RASEF: variants seen among roughly 807,000 people sequenced by gnomAD.
RASEF encodes RAS and EF-hand domain containing.
Under a neutral mutation model 90.1 loss-of-function variants are expected in RASEF, and 68 were observed. The observed-to-expected ratio is 0.75, with a 90% confidence interval of 0.62 to 0.92. RASEF has a LOEUF of 0.92. Among genes scored for constraint, RASEF ranks in the 40% least tolerant of loss-of-function variants. The pLI, the probability that RASEF is intolerant of heterozygous loss-of-function variation, is 0.00. For missense variants in RASEF, 949 were observed against 937.2 expected, an observed-to-expected ratio of 1.01 and a Z score of -0.16; for synonymous variants, 331 against 345.2, an observed-to-expected ratio of 0.96 and a Z score of 0.46.
upstream of RASEF, among the ~76,000 whole-genome samples, chr9:83,063,883 T>G (rs1045900790): frequency 2.0e-5 from 3 of 152,222 alleles, no homozygotes; most frequent in African/African-American, 7.2e-5. Context: ...CCCATTTTGA[T>G]CCTTTTAAAC....
the RASEF span, among the ~76,000 whole-genome samples, chr9:83,093,338 G>A: frequency 1.3e-5 from 2 of 152,198 alleles, no homozygotes; most frequent in African/African-American, 2.4e-5. Flanking sequence ...TGGGCCCCGC[G>A]GAGCAGGGGG....
chr9:83,100,203 C>T, the RASEF span, among the ~76,000 whole-genome samples: 1 of 152,126 alleles, frequency 6.6e-6, no homozygotes, highest in Non-Finnish European at 1.5e-5. Context: ...AAGCTGAGAA[C>T]AGACTTTCAA....
chr9:83,134,421 C>T, the RASEF span, among the ~76,000 whole-genome samples: 1 of 150,552 alleles, frequency 6.6e-6, no homozygotes, highest in East Asian at 2.0e-4. Flanking sequence ...CACACACACA[C>T]ACACACACAC....
chr9:83,197,594 T>A, the RASEF span, among the ~76,000 whole-genome samples: 1 of 152,146 alleles, frequency 6.6e-6, no homozygotes, highest in Non-Finnish European at 1.5e-5. Flanking sequence ...ATCTTGGAAG[T>A]CAAGTTTTAA....
the RASEF span, among the ~76,000 whole-genome samples, chr9:83,191,769 GT>G: frequency 1.3e-5 from 2 of 152,238 alleles, no homozygotes; most frequent in Admixed American, 1.3e-4. Flanking sequence ...GTCAAAAAAT[GT>G]TTTGTTTACA....
rs540838677 is a variant in RASEF at position 83,057,480 on chromosome 9, G to A, written c.431+4957C>T. On this transcript the variant is annotated intron_variant, in intron 1 of 16. Coordinates refer to ENST00000376447, the MANE Select transcript of RASEF (RefSeq NM_152573.4). ...ATTGTGACAGAGGACACATTAAAGAGAAAAAGCAAAAAGCTACAGAATAGC... is the reference window on the plus strand; with the variant it reads ...ATTGTGACAGAGGACACATTAAAGAAAAAAAGCAAAAAGCTACAGAATAGC... Among the ~76,000 whole-genome samples the A allele has an allele frequency of 3.4e-3, 519 of 152,180 alleles. 3 individuals are homozygous for A. The highest frequency in any genetic ancestry group is 0.012 in the African/African-American group (478 of 41,550).
intron 1 of RASEF, among the ~76,000 whole-genome samples, chr9:83,058,172 C>CTTTTTTTTTT (rs555842009): frequency 6.9e-5 from 4 of 57,888 alleles, no homozygotes; most frequent in African/African-American, 6.9e-5. Flanking sequence ...GTATTTATGT[C>CTTTTTTTTTT]TTTTTTTTTT....
At chr9:83,101,694 G>A in the RASEF span, among the ~76,000 whole-genome samples, 52 of 152,252 alleles carry the variant, frequency 3.4e-4, no homozygotes, top group African/African-American at 1.2e-3. Flanking sequence ...CTTCCATAAC[G>A]TTGCTGTAAA....
At chr9:83,199,912 C>T in the RASEF span, among the ~76,000 whole-genome samples, 4,843 of 152,274 alleles carry the variant, frequency 0.032, 266 homozygotes, top group African/African-American at 0.11. Flanking sequence ...TAAAAACACA[C>T]AGCACAGGCA....
At chr9:83,060,839 G>A (rs567028570) in intron 1 of RASEF, among the ~76,000 whole-genome samples, 76 of 152,186 alleles carry the variant, frequency 5.0e-4, no homozygotes, top group African/African-American at 1.5e-3. Flanking sequence ...AGGTGACACC[G>A]GTGCCCATTA....
At chr9:82,998,782 GGCAT>G (rs1360459816) in intron 12 of RASEF, among the ~76,000 whole-genome samples, 7 of 151,880 alleles carry the variant, frequency 4.6e-5, no homozygotes, top group Non-Finnish European at 1.0e-4. Context: ...TGTATGAGTG[GGCAT>G]GCATGAATGT....
intron 1 of RASEF, among the ~76,000 whole-genome samples, chr9:83,039,088 T>C (rs1182768070): frequency 6.6e-6 from 1 of 152,208 alleles, no homozygotes; most frequent in East Asian, 1.9e-4. Context: ...CCCTCCCTTT[T>C]CAAAGTATAT....
At chr9:83,104,294 T>C in the RASEF span, among the ~76,000 whole-genome samples, 1 of 152,168 alleles carries the variant, frequency 6.6e-6, no homozygotes, top group African/African-American at 2.4e-5. Flanking sequence ...TTATTCTTGT[T>C]TGAACAAATA....
At chr9:83,080,409 G>C in the RASEF span, among the ~76,000 whole-genome samples, 1 of 152,188 alleles carries the variant, frequency 6.6e-6, no homozygotes, top group Non-Finnish European at 1.5e-5. Context: ...TAAGTATGAT[G>C]GTCTTTGCCC....
chr9:83,207,330 TA>T, the RASEF span, among the ~76,000 whole-genome samples: 1 of 152,206 alleles, frequency 6.6e-6, no homozygotes, highest in East Asian at 1.9e-4. Flanking sequence ...GCTCTCGAGT[TA>T]TTTCCTTGGG....
the RASEF span, among the ~76,000 whole-genome samples, chr9:83,201,724 T>C: frequency 1.3e-5 from 2 of 152,100 alleles, no homozygotes; most frequent in South Asian, 2.1e-4. Flanking sequence ...GCTTGGAATA[T>C]GTAAGTAAGG....
intron 2 of RASEF, among the ~76,000 whole-genome samples, 161 bp downstream of exon 2, chr9:83,025,614 A>G (rs376530863): frequency 4.3e-4 from 66 of 152,288 alleles, no homozygotes; most frequent in African/African-American, 1.2e-3. Context: ...TAGCTGACCT[A>G]CTTCTCCATT....
At chr9:82,993,450 T>C (rs926272659) in intron 14 of RASEF, among the ~76,000 whole-genome samples, 2 of 152,322 alleles carry the variant, frequency 1.3e-5, no homozygotes, top group East Asian at 3.9e-4. Context: ...CACAGAATCA[T>C]ATTTGGCTGT....
the RASEF span, among the ~76,000 whole-genome samples, chr9:83,191,817 G>A: frequency 1.4e-4 from 21 of 152,234 alleles, no homozygotes; most frequent in East Asian, 2.1e-3. Flanking sequence ...AGATATTAAC[G>A]TTAGGGAAAG....
Sources: allele counts gnomAD v4.1 joint callset (sites outside exome capture counted in the v4.1 genomes callset), GRCh38; gene constraint gnomAD v4.1.1; transcripts MANE v1.5; gene names NCBI Gene and HGNC (gene_info 2026-07-23, HGNC 2026-07-21).